The following LAMC2 variants were observed in gnomAD, a reference collection of about 807,000 sequenced individuals.
The protein encoded by LAMC2 is laminin subunit gamma-2.
A neutral mutation model predicts 140.2 loss-of-function variants in LAMC2; 97 were observed. The observed-to-expected ratio is 0.69, with a 90% CI of 0.59 to 0.82. The LOEUF (loss-of-function observed/expected upper bound fraction) is 0.82, where lower values mean the gene tolerates loss of function less well. Among genes scored for constraint, LAMC2 ranks in the 40% least tolerant of loss-of-function variants. The probability of loss-of-function intolerance (pLI) is 0.00; values close to 1 mark genes in which losing one functional copy is unlikely to be tolerated. For synonymous variants in LAMC2, 513 were observed against 540.2 expected (o/e 0.95, Z 0.70); for missense variants, 1,402 against 1,476.1 (o/e 0.95, Z 0.82).
At chr1:183,255,130 C>A in the LAMC2 span, among the ~76,000 whole-genome samples, 1 of 152,182 alleles carries the variant, frequency 6.6e-6, no homozygotes, top group Non-Finnish European at 1.5e-5. Context: ...ATTCTTTTGC[C>A]TGTAGAAATC....
In LAMC2 at chr1:183,234,425, AG is replaced by A. The variant is rs768187710; in HGVS notation, c.2281del (p.Ala761ProfsTer4). The A allele has an allele frequency of 3.7e-6, 6 of 1,614,072 alleles. No homozygotes were observed. Among genetic ancestry groups the A allele is most frequent in the Non-Finnish European group, 5.1e-6 (6 of 1,179,942 alleles). On this transcript the variant is annotated frameshift_variant, in exon 15 of 23. Coordinates refer to ENST00000264144, the MANE Select transcript of LAMC2 (RefSeq NM_005562.3). LOFTEE classifies it high-confidence loss of function. Reference protein sequence around the residue: ...GPNGFKSLAQEATRLAESHVE... With the variant: ...GPNGFKSLAQXATRLAESHVE... ...AATGGCTTTAAAAGTCTGGCTCAGG[AG>A]GCCACAAGATTAGCAGAAAGGTGAG... is the stretch of plus-strand genomic sequence containing the variant.
intron 11 of LAMC2, among the ~76,000 whole-genome samples, chr1:183,230,289 A>C (rs1255935613): frequency 6.6e-6 from 1 of 152,208 alleles, no homozygotes; most frequent in Non-Finnish European, 1.5e-5. Context: ...GAAGATACAC[A>C]AATATGTATG....
chr1:183,248,218 C>G (rs199870764), downstream of LAMC2: 18 of 152,710 alleles, frequency 1.2e-4, no homozygotes, highest in South Asian at 1.5e-3. Context: ...AGAGAAAGTT[C>G]TTGACCAAGA....
At chr1:183,201,100 A>T (rs908575640) in intron 1 of LAMC2, among the ~76,000 whole-genome samples, 1 of 152,022 alleles carries the variant, frequency 6.6e-6, no homozygotes, top group Non-Finnish European at 1.5e-5. Context: ...AAGGATTTGG[A>T]GGGAGCTGGA....
intron 5 of LAMC2, 130 bp downstream of exon 5, chr1:183,221,091 ATTTTGTCAGGG>A: frequency 1.1e-6 from 1 of 911,238 alleles, no homozygotes; most frequent in Admixed American, 2.2e-5. Context: ...AATGTACATT[ATTTTGTCAGGG>A]CACTCAGGCA....
rs6694348 is a variant in LAMC2 at position 183,225,946 on chromosome 1, G to A, written c.1066+226G>A. ...GCACCAATGAAGAGTAAATGATGCTGTCTTGCTAAAAGGGCCACTGAATTT... is the reference window on the plus strand; with the variant it reads ...GCACCAATGAAGAGTAAATGATGCTATCTTGCTAAAAGGGCCACTGAATTT... On this transcript the variant is annotated intron_variant, in intron 8 of 22. Transcript: ENST00000264144. Among the ~76,000 whole-genome samples the A allele has an allele frequency of 0.29, 44,591 of 151,980 alleles. 8,180 individuals are homozygous for A. The highest frequency in any genetic ancestry group is 0.51 in the African/African-American group (21,172 of 41,434).
At chr1:183,218,580 G>A (rs74971603) in intron 4 of LAMC2, 92 bp downstream of exon 4, 23,599 of 975,516 alleles carry the variant, frequency 0.024, 840 homozygotes, top group South Asian at 0.11. Context: ...ATGGAAAAGG[G>A]ATACTTGACA....
intron 15 of LAMC2, among the ~76,000 whole-genome samples, chr1:183,234,652 G>C (rs1412261863): frequency 1.3e-5 from 2 of 152,184 alleles, no homozygotes; most frequent in Non-Finnish European, 2.9e-5. Flanking sequence ...GGCAGGAGTT[G>C]GGGGTGAGGG....
At chr1:183,236,276 C>A (rs1659958464) in intron 16 of LAMC2, among the ~76,000 whole-genome samples, 184 bp from the exon 17 acceptor site, 1 of 151,388 alleles carries the variant, frequency 6.6e-6, no homozygotes, top group Non-Finnish European at 1.5e-5. Context: ...GTAGTCCCAG[C>A]TACTTGGGAG....
intron 12 of LAMC2, 22 bp from the exon 13 acceptor site, chr1:183,232,165 G>C: frequency 1.9e-6 from 3 of 1,613,090 alleles, no homozygotes; most frequent in Non-Finnish European, 2.5e-6. Flanking sequence ...CCCTCGTTCT[G>C]ATCTTTCCTG....
downstream of LAMC2, chr1:183,249,680 G>GGT (rs1553268338): frequency 5.2e-5 from 6 of 116,312 alleles, no homozygotes; most frequent in Admixed American, 9.2e-5. Flanking sequence ...TGAAGAGTAG[G>GGT]GCGTGTGTGT....
At chr1:183,190,475 T>C (rs1467435978) in intron 1 of LAMC2, among the ~76,000 whole-genome samples, 4 of 151,994 alleles carry the variant, frequency 2.6e-5, no homozygotes, top group Non-Finnish European at 4.4e-5. Context: ...GGATCTCGTA[T>C]CATTCCTTCT....
chr1:183,234,049 G>A (rs915732991), intron 14 of LAMC2, among the ~76,000 whole-genome samples: 2 of 151,966 alleles, frequency 1.3e-5, no homozygotes, highest in East Asian at 1.9e-4. Context: ...ACCATGCCTG[G>A]CTAATTATTG....
At chr1:183,253,682 C>A in the LAMC2 span, among the ~76,000 whole-genome samples, 3 of 151,486 alleles carry the variant, frequency 2.0e-5, no homozygotes, top group African/African-American at 7.3e-5. Context: ...TGCTTTGTAT[C>A]CTTTGATCTA....
At chr1:183,197,353 G>T (rs1025504372) in intron 1 of LAMC2, among the ~76,000 whole-genome samples, 2 of 152,182 alleles carry the variant, frequency 1.3e-5, no homozygotes, top group African/African-American at 4.8e-5. Flanking sequence ...CAGGTTTTGT[G>T]TAAAGAACTT....
intron 3 of LAMC2, among the ~76,000 whole-genome samples, chr1:183,217,858 GAGAATCAGCTA>G (rs1430238349): frequency 6.6e-6 from 1 of 152,170 alleles, no homozygotes; most frequent in Non-Finnish European, 1.5e-5. Context: ...GTACAACTCT[GAGAATCAGCTA>G]AGAACCATTG....
rs1165835099 is a variant in LAMC2, at chr1:183,188,986, GT to G, written c.79+2559del. Reference sequence around the variant, plus strand: ...CAGGAATTAGTGTGACTGGATTCATGTTTTAGAAAGGTCACTCACTCGAGGG... The same window carrying G: ...CAGGAATTAGTGTGACTGGATTCATGTTTAGAAAGGTCACTCACTCGAGGG... On this transcript the variant is annotated intron_variant, in intron 1 of 22. Transcript: ENST00000264144. 6.6e-5 allele frequency among the ~76,000 whole-genome samples: 10 copies of G among 152,360 alleles called. No individual in the cohort carries two copies. In the South Asian group the frequency reaches 1.9e-3, roughly 28 times the overall value.
intron 22 of LAMC2, among the ~76,000 whole-genome samples, chr1:183,242,428 G>A (rs1044458891): frequency 2.6e-5 from 4 of 152,174 alleles, no homozygotes; most frequent in Non-Finnish European, 5.9e-5. Context: ...CCTTGAGTTC[G>A]AATTGACCAA....
chr1:183,186,430 A>G lies in LAMC2; in HGVS notation c.78A>G (p.Glu26=), dbSNP rs779191964. ...LPAARATSRR[E]VCDCNGKSRQ... ...CAGCCCGGGCCACCTCCAGGAGGGA[A>G]GGTGAGTCGGCTTCCACAAGGAAAC... Residue 26 remains glutamate, a splice_region_variant and synonymous_variant, in exon 1 of 23, where the codon GAA becomes GAG. Coordinates refer to ENST00000264144, the MANE Select transcript of LAMC2 (RefSeq NM_005562.3). 40 of 1,603,652 alleles carry G rather than the reference A, an allele frequency of 2.5e-5. No homozygotes were observed. The highest frequency in any genetic ancestry group is 8.0e-5 in the African/African-American group (6 of 74,902).
Sources: allele counts gnomAD v4.1 joint callset (sites outside exome capture counted in the v4.1 genomes callset), GRCh38; gene constraint gnomAD v4.1.1; transcripts MANE v1.5; gene names NCBI Gene and HGNC (gene_info 2026-07-23, HGNC 2026-07-21).